FBXO16: variants seen among roughly 807,000 people sequenced by gnomAD.
The protein encoded by FBXO16 is F-box only protein 16.
Under a neutral mutation model 41.0 loss-of-function variants are expected in FBXO16, and 31 were observed. The ratio of observed to expected loss-of-function variants is 0.76; its 90% CI spans 0.57 to 1.02. The LOEUF is 1.02. FBXO16 is among the 50% of genes least tolerant of loss of function. The probability of loss-of-function intolerance (pLI) is 0.00; values close to 1 mark genes in which losing one functional copy is unlikely to be tolerated. For synonymous variants in FBXO16, 133 were observed against 117.8 expected (o/e 1.13, Z -0.84); for missense variants, 361 against 346.2 (o/e 1.04, Z -0.34).
At chr8:28,428,839 A>G (rs1376541594) in intron 8 of FBXO16, 103 bp from the exon 9 acceptor site, 2 of 1,272,610 alleles carry the variant, frequency 1.6e-6, no homozygotes, top group Non-Finnish European at 1.1e-6. Flanking sequence ...TTACAAAATT[A>G]TAGGGCTGGA....
chr8:28,487,620 C>T (rs1271509939), intron 1 of FBXO16, among the ~76,000 whole-genome samples: 3 of 152,022 alleles, frequency 2.0e-5, no homozygotes, highest in African/African-American at 7.2e-5. Flanking sequence ...GTCTTGAACT[C>T]CTGACCTCAA....
chr8:28,429,818 G>T, intron 7 of FBXO16, among the ~76,000 whole-genome samples: 1 of 152,178 alleles, frequency 6.6e-6, no homozygotes, highest in South Asian at 2.1e-4. Flanking sequence ...CCACAAGGAA[G>T]CTCCACACCT....
chr8:28,469,990 G>A (rs112413908), intron 3 of FBXO16, among the ~76,000 whole-genome samples: 4,841 of 151,512 alleles, frequency 0.032, 264 homozygotes, highest in African/African-American at 0.11. Context: ...GGACCACGAG[G>A]TCAGGAGATC....
intron 4 of FBXO16, among the ~76,000 whole-genome samples, chr8:28,460,423 AT>A (rs1174276709): frequency 0.014 from 1,174 of 82,476 alleles, 27 homozygotes; most frequent in African/African-American, 0.066. Flanking sequence ...TACCTGGCTA[AT>A]TTTTTTTTTT....
At chr8:28,487,850 TC>T (rs1314938339) in intron 1 of FBXO16, among the ~76,000 whole-genome samples, 2 of 151,390 alleles carry the variant, frequency 1.3e-5, no homozygotes, top group East Asian at 3.9e-4. Context: ...CATCTTTTTT[TC>T]TTTTTTTTTT....
At chr8:28,464,299 A>G (rs1803196707) in intron 3 of FBXO16, among the ~76,000 whole-genome samples, 1 of 152,236 alleles carries the variant, frequency 6.6e-6, no homozygotes, top group Admixed American at 6.5e-5. Flanking sequence ...TCTCACTAGT[A>G]TGTAAATGAC....
chr8:28,447,352 T>A, intron 6 of FBXO16, 79 bp from the exon 7 acceptor site: 3 of 1,206,622 alleles, frequency 2.5e-6, no homozygotes, highest in Non-Finnish European at 3.6e-6. Flanking sequence ...TTTGTCTGTT[T>A]GAGTTTGTTG....
In FBXO16 at chr8:28,452,445, T is replaced by C. The variant is rs770462983; in HGVS notation, c.539A>G (p.Asp180Gly). The C allele has an allele frequency of 4.3e-5, 69 of 1,614,000 alleles. No individual in the cohort carries two copies. Among genetic ancestry groups the C allele is most frequent in the Non-Finnish European group, 5.1e-5 (60 of 1,180,034 alleles). Residue 180 changes from aspartate (D) to glycine (G), a missense_variant, in exon 6 of 9, where the codon GAC (aspartate) becomes GGC (glycine). Coordinates refer to ENST00000380254, the MANE Select transcript of FBXO16 (RefSeq NM_172366.4). ...AGAATTGCTTGTAACTAGTTGAACG[T>C]CAGCGATTACAAATCCATCCTTTGG... is the stretch of plus-strand genomic sequence containing the variant. ...TPPKDGFVIADVQLVTSNSPE... is the reference protein window; with the variant it reads ...TPPKDGFVIAGVQLVTSNSPE...
At chr8:28,465,429 C>A in intron 3 of FBXO16, 1 of 449,330 alleles carries the variant, frequency 2.2e-6, no homozygotes, top group South Asian at 1.6e-5. Flanking sequence ...TTGAAACCAG[C>A]CCGAGCAACA....
intron 7 of FBXO16, among the ~76,000 whole-genome samples, chr8:28,440,903 GA>G (rs1476774804): frequency 2.6e-5 from 4 of 151,962 alleles, no homozygotes; most frequent in Non-Finnish European, 5.9e-5. Flanking sequence ...CTTGATAAAG[GA>G]AAAAACAAAG....
intron 7 of FBXO16, among the ~76,000 whole-genome samples, chr8:28,435,491 A>G (rs956313183): frequency 6.6e-6 from 1 of 151,962 alleles, no homozygotes; most frequent in Non-Finnish European, 1.5e-5. Context: ...AGGTAATTTT[A>G]TTGAGGACAG....
intron 2 of FBXO16, among the ~76,000 whole-genome samples, chr8:28,483,087 G>C (rs1177614851): frequency 2.0e-5 from 3 of 152,282 alleles, no homozygotes; most frequent in Middle Eastern, 3.4e-3. Flanking sequence ...AAAATGGCGA[G>C]TGGGGTGGGA....
At chr8:28,449,471 A>C (rs1802918328) in intron 6 of FBXO16, among the ~76,000 whole-genome samples, 1 of 151,936 alleles carries the variant, frequency 6.6e-6, no homozygotes, top group Admixed American at 6.6e-5. Context: ...ACAGGCATGC[A>C]ACATCACATT....
chr8:28,429,845 G>A (rs755208343), intron 7 of FBXO16, among the ~76,000 whole-genome samples: 1 of 152,148 alleles, frequency 6.6e-6, no homozygotes, highest in African/African-American at 2.4e-5. Flanking sequence ...AGTGCTCTCT[G>A]CAGTCCTCCC....
intron 1 of FBXO16, among the ~76,000 whole-genome samples, chr8:28,485,648 A>G (rs1460667831): frequency 6.6e-6 from 1 of 152,204 alleles, no homozygotes; most frequent in Non-Finnish European, 1.5e-5. Flanking sequence ...GCCTGTTGCC[A>G]ATATGCCACT....
At chr8:28,463,410 G>A (rs1803176092) in intron 4 of FBXO16, among the ~76,000 whole-genome samples, 1 of 151,720 alleles carries the variant, frequency 6.6e-6, no homozygotes, top group Non-Finnish European at 1.5e-5. Context: ...GTATTTGTGT[G>A]TGTGTATATG....
At chr8:28,448,519 A>G (rs1802902813) in intron 6 of FBXO16, among the ~76,000 whole-genome samples, 1 of 152,190 alleles carries the variant, frequency 6.6e-6, no homozygotes, top group South Asian at 2.1e-4. Context: ...AAAATACCTA[A>G]AATCTGAAAA....
intron 7 of FBXO16, among the ~76,000 whole-genome samples, chr8:28,434,848 G>T (rs574218001): frequency 1.6e-4 from 25 of 152,242 alleles, no homozygotes; most frequent in Non-Finnish European, 2.6e-4. Context: ...CTCCGTGCAG[G>T]GCCCGAGGCC....
chr8:28,483,985 GGGTTT>G (rs1803560399), intron 1 of FBXO16, among the ~76,000 whole-genome samples: 1 of 152,182 alleles, frequency 6.6e-6, no homozygotes, highest in Non-Finnish European at 1.5e-5. Flanking sequence ...GTGAGGTGGT[GGGTTT>G]TAACTCATTT....
Sources: allele counts gnomAD v4.1 joint callset (sites outside exome capture counted in the v4.1 genomes callset), GRCh38; gene constraint gnomAD v4.1.1; transcripts MANE v1.5; gene names NCBI Gene and HGNC (gene_info 2026-07-23, HGNC 2026-07-21).